Variants in MLLT3 observed in about 807,000 individuals in gnomAD.
The protein encoded by MLLT3 is MLLT3 super elongation complex subunit, also known as protein AF-9.
MLLT3 carries 4 observed loss-of-function variants against 53.2 expected under a neutral mutation model. The observed-to-expected ratio is 0.08, with a 90% confidence interval of 0.04 to 0.17. The LOEUF is 0.17. MLLT3 is among the 10% of genes least tolerant of loss of function. The pLI is 1.00. For synonymous variants in MLLT3, 283 were observed against 230.6 expected (o/e 1.23, Z -2.06); for missense variants, 569 against 684.0 (o/e 0.83, Z 1.87).
chr9:20,437,485 T>C (rs181286997), intron 4 of MLLT3, among the ~76,000 whole-genome samples: 185 of 152,168 alleles, frequency 1.2e-3, no homozygotes, highest in African/African-American at 3.9e-3. Flanking sequence ...TTGGTGTGTA[T>C]AGAGAAGTAA....
intron 2 of MLLT3, among the ~76,000 whole-genome samples, chr9:20,512,536 T>A (rs1817781188): frequency 6.6e-6 from 1 of 152,226 alleles, no homozygotes; most frequent in South Asian, 2.1e-4. Flanking sequence ...GCAGAACCAC[T>A]GCCCCTAACT....
intron 2 of MLLT3, among the ~76,000 whole-genome samples, chr9:20,584,335 A>G (rs1027879217): frequency 2.6e-5 from 4 of 152,118 alleles, no homozygotes; most frequent in South Asian, 2.1e-4. Flanking sequence ...ACATTTTCCT[A>G]TCTTCTTCTG....
chr9:20,346,699 G>T, intron 10 of MLLT3, 125 bp from the exon 11 acceptor site: 2 of 879,644 alleles, frequency 2.3e-6, no homozygotes, highest in Non-Finnish European at 3.5e-6. Context: ...TAGCAACAAG[G>T]TCCCATACCA....
At chr9:20,526,403 G>A (rs1441351962) in intron 2 of MLLT3, among the ~76,000 whole-genome samples, 1 of 152,134 alleles carries the variant, frequency 6.6e-6, no homozygotes, top group African/African-American at 2.4e-5. Context: ...TCCTGGTTCT[G>A]AACTTTTTAT....
chr9:20,490,896 T>C (rs1824932199), intron 2 of MLLT3, among the ~76,000 whole-genome samples: 1 of 152,188 alleles, frequency 6.6e-6, no homozygotes. Flanking sequence ...TAGTAATGAC[T>C]AGAGTGGTTT....
chr9:20,407,230 A>C (rs2118759622), intron 5 of MLLT3, among the ~76,000 whole-genome samples: 1 of 152,372 alleles, frequency 6.6e-6, no homozygotes, highest in Non-Finnish European at 1.5e-5. Context: ...GGAAAGGTTG[A>C]TATTGCAGCT....
At chr9:20,608,843 GACA>G (rs1447717756) in intron 2 of MLLT3, among the ~76,000 whole-genome samples, 1 of 151,902 alleles carries the variant, frequency 6.6e-6, no homozygotes, top group Non-Finnish European at 1.5e-5. Flanking sequence ...GAATTTTACT[GACA>G]ACAATAAGAA....
chr9:20,381,173 T>TCC (rs1172350759), intron 5 of MLLT3, among the ~76,000 whole-genome samples: 1 of 151,966 alleles, frequency 6.6e-6, no homozygotes, highest in Non-Finnish European at 1.5e-5. Context: ...TTTAGATATT[T>TCC]CCACATTTGG....
At chr9:20,572,170 G>A (rs1022588401) in intron 2 of MLLT3, among the ~76,000 whole-genome samples, 1 of 152,158 alleles carries the variant, frequency 6.6e-6, no homozygotes, top group East Asian at 1.9e-4. Context: ...CAAACTCACA[G>A]AGGTAGAGAG....
At chr9:20,554,330 C>A (rs774815561) in intron 2 of MLLT3, among the ~76,000 whole-genome samples, 16 of 152,128 alleles carry the variant, frequency 1.1e-4, no homozygotes, top group Non-Finnish European at 2.4e-4. Flanking sequence ...CATAGTCTGG[C>A]AGAATATGCA....
intron 2 of MLLT3, among the ~76,000 whole-genome samples, chr9:20,576,207 G>C (rs945402028): frequency 1.3e-5 from 2 of 152,186 alleles, no homozygotes; most frequent in African/African-American, 4.8e-5. Context: ...GTTGAAGACA[G>C]TTAAGGCCTT....
chr9:20,357,391 T>C (rs2118621174), intron 8 of MLLT3, among the ~76,000 whole-genome samples: 1 of 152,352 alleles, frequency 6.6e-6, no homozygotes, highest in Middle Eastern at 3.4e-3. Context: ...TATTAAATTG[T>C]ACTGAGAGAA....
intron 7 of MLLT3, among the ~76,000 whole-genome samples, chr9:20,362,065 G>A (rs1231222729): frequency 6.6e-6 from 1 of 152,202 alleles, no homozygotes; most frequent in Non-Finnish European, 1.5e-5. Context: ...GAGTGAAGTG[G>A]AAGGCTAAGT....
intron 2 of MLLT3, among the ~76,000 whole-genome samples, chr9:20,527,843 T>C (rs1818241068): frequency 1.3e-5 from 2 of 152,230 alleles, no homozygotes; most frequent in Non-Finnish European, 1.5e-5. Flanking sequence ...AAAATACCTG[T>C]ATTTCAGAAT....
intron 2 of MLLT3, among the ~76,000 whole-genome samples, chr9:20,457,915 A>G (rs1365401830): frequency 2.0e-5 from 3 of 152,198 alleles, no homozygotes; most frequent in East Asian, 1.9e-4. Context: ...GTAAACATGT[A>G]CATGCCAAAT....
At chr9:20,467,076 A>C (rs1025877985) in intron 2 of MLLT3, among the ~76,000 whole-genome samples, 2 of 152,198 alleles carry the variant, frequency 1.3e-5, no homozygotes, top group Non-Finnish European at 2.9e-5. Context: ...TTCTTTTCAA[A>C]CTAGAGACAC....
intron 5 of MLLT3, among the ~76,000 whole-genome samples, chr9:20,398,126 AC>A (rs1486524718): frequency 6.6e-6 from 1 of 151,870 alleles, no homozygotes; most frequent in Non-Finnish European, 1.5e-5. Flanking sequence ...TTATTTTTAG[AC>A]AGGGTCTCAC....
At chr9:20,421,609 A>C (rs974168494) in intron 4 of MLLT3, among the ~76,000 whole-genome samples, 2 of 152,222 alleles carry the variant, frequency 1.3e-5, no homozygotes, top group African/African-American at 4.8e-5. Flanking sequence ...ATATATGTTT[A>C]GTGTTCCAAT....
At chr9:20,556,750 G>A (rs1332791467) in intron 2 of MLLT3, among the ~76,000 whole-genome samples, 1 of 151,894 alleles carries the variant, frequency 6.6e-6, no homozygotes, top group Non-Finnish European at 1.5e-5. Context: ...AAGTAAACAG[G>A]GAGAGATAAG....
Sources: allele counts gnomAD v4.1 joint callset (sites outside exome capture counted in the v4.1 genomes callset), GRCh38; gene constraint gnomAD v4.1.1; transcripts MANE v1.5; gene names NCBI Gene and HGNC (gene_info 2026-07-23, HGNC 2026-07-21).